The following PPP1R12A variants were observed in gnomAD, a reference collection of about 807,000 sequenced individuals.
PPP1R12A encodes the protein protein phosphatase 1 regulatory subunit 12A.
Under a neutral mutation model 139.6 loss-of-function variants are expected in PPP1R12A, and 19 were observed. That is an observed-to-expected ratio of 0.14 (90% CI 0.09 to 0.20). The LOEUF is 0.20. Among genes scored for constraint, PPP1R12A ranks in the 10% least tolerant of loss-of-function variants. The pLI, the probability that PPP1R12A is intolerant of heterozygous loss-of-function variation, is 1.00. For missense variants in PPP1R12A, 925 were observed against 1,211.5 expected (o/e 0.76, Z 3.51); for synonymous variants, 427 against 420.6 (o/e 1.02, Z -0.19).
At chr12:79,843,454 T>C (rs1878992964) in intron 3 of PPP1R12A, among the ~76,000 whole-genome samples, 1 of 151,550 alleles carries the variant, frequency 6.6e-6, no homozygotes, top group Non-Finnish European at 1.5e-5. Context: ...GGCAGGCGCC[T>C]GTAATCCCAG....
chr12:79,794,736 C>T (rs1872302247), intron 18 of PPP1R12A, among the ~76,000 whole-genome samples: 1 of 146,548 alleles, frequency 6.8e-6, no homozygotes, highest in African/African-American at 2.4e-5. Context: ...AACAGGAAGA[C>T]AGATGATTCC....
At chr12:79,803,292 GAGA>G (rs1357385259) in intron 14 of PPP1R12A, among the ~76,000 whole-genome samples, 2 of 152,166 alleles carry the variant, frequency 1.3e-5, no homozygotes, top group Non-Finnish European at 2.9e-5. Context: ...ATACGACATA[GAGA>G]AGAAAAATAA....
At chr12:79,842,635 G>A (rs1008260533) in intron 3 of PPP1R12A, among the ~76,000 whole-genome samples, 1 of 151,020 alleles carries the variant, frequency 6.6e-6, no homozygotes, top group African/African-American at 2.4e-5. Context: ...CAAAGGTACT[G>A]CAGAAGTAAT....
intron 5 of PPP1R12A, among the ~76,000 whole-genome samples, chr12:79,827,786 A>G (rs1436852932): frequency 6.6e-6 from 1 of 152,132 alleles, no homozygotes; most frequent in African/African-American, 2.4e-5. Context: ...ACAAAACTAG[A>G]AGACTAGATG....
chr12:79,853,539 A>G (rs1271930932), intron 2 of PPP1R12A, among the ~76,000 whole-genome samples: 4 of 152,210 alleles, frequency 2.6e-5, no homozygotes, highest in Admixed American at 6.5e-5. Context: ...AAATTAATCT[A>G]TTTGTGAAAT....
chr12:79,831,590 T>C (rs548731457), intron 4 of PPP1R12A, among the ~76,000 whole-genome samples: 111 of 152,266 alleles, frequency 7.3e-4, no homozygotes, highest in African/African-American at 2.4e-3. Flanking sequence ...ATAAGAAAGA[T>C]TGATATTAGA....
intron 1 of PPP1R12A, among the ~76,000 whole-genome samples, chr12:79,932,427 C>T (rs2136981026): frequency 6.6e-6 from 1 of 152,182 alleles, no homozygotes; most frequent in East Asian, 1.9e-4. Flanking sequence ...GAAAACATAA[C>T]ACAAATTTTT....
At position 79,817,458 on chromosome 12, in the gene PPP1R12A, G is replaced by T. The variant is rs748459162; in HGVS notation, c.1175C>A (p.Pro392His). The change falls in exon 9 of 25, where the codon CCT becomes CAT. Residue 392 changes from proline to histidine, a missense_variant. Physicochemically the swap from Pro to His is moderately conservative, Grantham distance 77. Around this residue, in one of 4 missense-constraint regions of PPP1R12A, gnomAD observed 403 missense variants for 463.7 expected, o/e 0.87. Transcript: ENST00000450142. Reference sequence around the variant, plus strand: ...CACAGTAGGTGTTGTAACAGCTACAGGAGCTGCTTGTGTACTAGAAGTGTT... The same window carrying T: ...CACAGTAGGTGTTGTAACAGCTACATGAGCTGCTTGTGTACTAGAAGTGTT... ...NANTSSTQAAPVAVTTPTVSS... is the reference protein window; with the variant it reads ...NANTSSTQAAHVAVTTPTVSS... 1.9e-6 allele frequency: 3 copies of T among 1,609,860 alleles called. No individual in the cohort carries two copies. The South Asian group carries it at 3.3e-5, about 18-fold the overall frequency.
At chr12:79,851,183 A>G (rs1261459543) in intron 2 of PPP1R12A, among the ~76,000 whole-genome samples, 1 of 152,240 alleles carries the variant, frequency 6.6e-6, no homozygotes, top group Non-Finnish European at 1.5e-5. Context: ...AAATTATGAA[A>G]ATTAAACTAT....
chr12:79,850,683 T>TA (rs1879937610), intron 2 of PPP1R12A, among the ~76,000 whole-genome samples: 1 of 152,180 alleles, frequency 6.6e-6, no homozygotes, highest in African/African-American at 2.4e-5. Flanking sequence ...TTGCATTTCT[T>TA]AGTGTTGCAG....
chr12:79,812,713 T>C (rs953248452), intron 9 of PPP1R12A, among the ~76,000 whole-genome samples: 1 of 152,110 alleles, frequency 6.6e-6, no homozygotes, highest in Non-Finnish European at 1.5e-5. Context: ...TCTAGAACTA[T>C]AACTGAAAAC....
intron 1 of PPP1R12A, among the ~76,000 whole-genome samples, chr12:79,886,731 A>G (rs1884140166): frequency 1.3e-5 from 2 of 152,184 alleles, no homozygotes. Context: ...AAAAGTTTCT[A>G]AAGAAAAAGT....
intron 2 of PPP1R12A, among the ~76,000 whole-genome samples, chr12:79,857,583 AT>A (rs1168889742): frequency 1.3e-5 from 2 of 150,634 alleles, no homozygotes; most frequent in African/African-American, 5.0e-5. Flanking sequence ...ATAATAAAAA[AT>A]AATAATAAAA....
chr12:79,831,704 A>G (rs1877453467), intron 4 of PPP1R12A, among the ~76,000 whole-genome samples: 1 of 152,204 alleles, frequency 6.6e-6, no homozygotes, highest in Non-Finnish European at 1.5e-5. Context: ...TATATATTGA[A>G]TAATACACAG....
chr12:79,862,644 C>G (rs1484461954), intron 2 of PPP1R12A, among the ~76,000 whole-genome samples: 2 of 152,114 alleles, frequency 1.3e-5, no homozygotes, highest in African/African-American at 4.8e-5. Flanking sequence ...GAGCTGAAAA[C>G]CACAGTACGA....
At chr12:79,850,415 T>C (rs1316772660) in intron 2 of PPP1R12A, among the ~76,000 whole-genome samples, 4 of 152,230 alleles carry the variant, frequency 2.6e-5, no homozygotes, top group Admixed American at 2.0e-4. Flanking sequence ...CACTATCTTC[T>C]GAGTTTTGTC....
At position 79,822,193 on chromosome 12, in the gene PPP1R12A, A is replaced by G; in HGVS notation, c.793-3T>C. ...GCTACATCAAAGGCTGTTTGGCCCT[A>G]CGTAGGAAACAAGGGGGGATGGTGA... On this transcript the variant is annotated splice_polypyrimidine_tract_variant and splice_region_variant and intron_variant, in intron 5 of 24. Transcript: ENST00000450142. 6.3e-7 allele frequency: 1 copy of G among 1,579,532 alleles called. No homozygotes were observed. Among genetic ancestry groups the G allele is most frequent in the Non-Finnish European group, 8.6e-7 (1 of 1,157,612 alleles).
intron 1 of PPP1R12A, among the ~76,000 whole-genome samples, chr12:79,893,982 G>A (rs1238803270): frequency 6.6e-6 from 1 of 152,084 alleles, no homozygotes; most frequent in African/African-American, 2.4e-5. Context: ...CCTCTATTCA[G>A]GTAGCAGGAG....
intron 1 of PPP1R12A, among the ~76,000 whole-genome samples, chr12:79,928,479 T>C (rs1888012998): frequency 1.3e-5 from 2 of 152,192 alleles, no homozygotes; most frequent in Non-Finnish European, 2.9e-5. Context: ...TAAAAATGGA[T>C]TTAGGATGAT....
Sources: allele counts gnomAD v4.1 joint callset (sites outside exome capture counted in the v4.1 genomes callset), GRCh38; gene constraint gnomAD v4.1.1; regional missense constraint gnomAD v4.1.1; transcripts MANE v1.5; gene names NCBI Gene and HGNC (gene_info 2026-07-23, HGNC 2026-07-21).